CPS1: variants seen among roughly 807,000 people sequenced by gnomAD.
The protein encoded by CPS1 is carbamoyl-phosphate synthase [ammonia], mitochondrial.
Under a neutral mutation model 174.6 loss-of-function variants are expected in CPS1, and 109 were observed. That is an observed-to-expected ratio of 0.62 (90% CI 0.53 to 0.73). The LOEUF (loss-of-function observed/expected upper bound fraction) is 0.73. Ranked by LOEUF, CPS1 falls within the 30% of genes least tolerant of loss-of-function variation. The probability of loss-of-function intolerance (pLI) is 0.00; values close to 1 mark genes in which losing one functional copy is unlikely to be tolerated. For synonymous variants in CPS1, 637 were observed against 632.0 expected, an observed-to-expected ratio of 1.01 and a Z score of -0.12; for missense variants, 1,689 against 1,821.9, an observed-to-expected ratio of 0.93 and a Z score of 1.33.
intron 1 of CPS1, among the ~76,000 whole-genome samples, chr2:210,525,956 C>G (rs1440047470): frequency 6.6e-6 from 1 of 151,638 alleles, no homozygotes; most frequent in African/African-American, 2.4e-5. Context: ...TGCAAGCAGT[C>G]CCACATGACT....
chr2:210,516,612 G>A (rs184824095), intron 1 of CPS1, among the ~76,000 whole-genome samples: 17 of 152,006 alleles, frequency 1.1e-4, no homozygotes, highest in Admixed American at 6.6e-4. Flanking sequence ...CCTTTAGGAC[G>A]AAACTAAACT....
intron 33 of CPS1, among the ~76,000 whole-genome samples, chr2:210,665,506 T>G (rs967783849): frequency 7.7e-6 from 1 of 130,360 alleles, no homozygotes; most frequent in Non-Finnish European, 1.6e-5. Flanking sequence ...CCCCAGAGTG[T>G]GATATTCCCC....
chr2:210,503,646 T>C (rs1309451753), intron 1 of CPS1, among the ~76,000 whole-genome samples: 1 of 152,072 alleles, frequency 6.6e-6, no homozygotes, highest in East Asian at 1.9e-4. Context: ...TAGATAAAAA[T>C]TTTAGGAATC....
intron 21 of CPS1, among the ~76,000 whole-genome samples, chr2:210,624,172 T>C (rs1699625828): frequency 6.6e-6 from 1 of 152,122 alleles, no homozygotes; most frequent in Non-Finnish European, 1.5e-5. Flanking sequence ...TTAATTTGAT[T>C]TGCAGAAAAT....
chr2:210,559,586 T>C (rs1456752531), intron 1 of CPS1, among the ~76,000 whole-genome samples: 1 of 152,142 alleles, frequency 6.6e-6, no homozygotes, highest in Non-Finnish European at 1.5e-5. Context: ...AAATACTAAA[T>C]ACTAAAAAGT....
chr2:210,545,655 TGG>T (rs1696542215), intron 1 of CPS1, among the ~76,000 whole-genome samples: 1 of 152,098 alleles, frequency 6.6e-6, no homozygotes, highest in African/African-American at 2.4e-5. Flanking sequence ...AGAAAGCACT[TGG>T]TATTTTAAAA....
chr2:210,576,983 A>G (rs1697732192), intron 3 of CPS1, among the ~76,000 whole-genome samples: 1 of 152,170 alleles, frequency 6.6e-6, no homozygotes, highest in African/African-American at 2.4e-5. Context: ...TTCCAAATTC[A>G]ATACTATTTT....
chr2:210,607,322 A>G (rs977082646), intron 18 of CPS1, among the ~76,000 whole-genome samples: 28 of 151,958 alleles, frequency 1.8e-4, no homozygotes, highest in Non-Finnish European at 1.5e-5. Context: ...GACAGAAAAT[A>G]TAGCTCACTT....
intron 31 of CPS1, among the ~76,000 whole-genome samples, chr2:210,659,584 A>T (rs1038536481): frequency 4.6e-5 from 7 of 152,104 alleles, no homozygotes; most frequent in Non-Finnish European, 4.4e-5. Flanking sequence ...TTTGATGGGG[A>T]CAAACCACAT....
upstream of CPS1, among the ~76,000 whole-genome samples, chr2:210,554,169 A>G (rs1483121346): frequency 1.5e-4 from 20 of 133,238 alleles, no homozygotes; most frequent in Admixed American, 1.5e-3. Flanking sequence ...ACATATACAT[A>G]TGTATGTATA....
At chr2:210,519,882 C>T (rs898749376) in intron 1 of CPS1, 9 of 665,798 alleles carry the variant, frequency 1.4e-5, no homozygotes, top group African/African-American at 5.9e-5. Flanking sequence ...ATCAGAGATG[C>T]GTTCCAGCAT....
intron 1 of CPS1, among the ~76,000 whole-genome samples, chr2:210,545,738 A>G (rs1383957805): frequency 6.6e-6 from 1 of 152,032 alleles, no homozygotes; most frequent in Non-Finnish European, 1.5e-5. Context: ...GATATTTACA[A>G]TTTTACTCAA....
At chr2:210,558,631 G>A (rs1696998465) in intron 1 of CPS1, among the ~76,000 whole-genome samples, 3 of 151,936 alleles carry the variant, frequency 2.0e-5, no homozygotes. Flanking sequence ...GTAAGGATAG[G>A]TGCATCTTCA....
At position 210,579,766 on chromosome 2, in the gene CPS1, A is replaced by G. The variant is rs1456896754; in HGVS notation, c.524A>G (p.Asp175Gly). 2 of 1,611,836 alleles carry G rather than the reference A, an allele frequency of 1.2e-6. No homozygotes were observed. The highest frequency in any genetic ancestry group is 1.7e-6 in the Non-Finnish European group (2 of 1,178,960). ...DTRMLTKIIRDKGTMLGKIEF... is the reference protein window; with the variant it reads ...DTRMLTKIIRGKGTMLGKIEF... ...AGAATGCTGACTAAAATAATTCGGG[A>G]TAAGGTATAATCATCATCTTTAGCC... The change falls in exon 5 of 38, where the codon GAT becomes GGT. Residue 175 changes from aspartate (D) to glycine (G), a missense_variant. Transcript: ENST00000233072.
chr2:210,666,359 TG>T (rs1390643195), intron 33 of CPS1, among the ~76,000 whole-genome samples: 2 of 151,184 alleles, frequency 1.3e-5, no homozygotes, highest in Non-Finnish European at 3.0e-5. Context: ...TTTTGGCTTT[TG>T]TTGCCATTGC....
intron 21 of CPS1, among the ~76,000 whole-genome samples, chr2:210,625,342 A>T (rs1574609601): frequency 6.6e-6 from 1 of 152,126 alleles, no homozygotes; most frequent in Non-Finnish European, 1.5e-5. Flanking sequence ...ATATATAGAC[A>T]GGACACATTA....
intron 1 of CPS1, among the ~76,000 whole-genome samples, chr2:210,498,260 C>T (rs1243764799): frequency 6.6e-6 from 1 of 151,858 alleles, no homozygotes; most frequent in Non-Finnish European, 1.5e-5. Context: ...GTCTTTTGCC[C>T]ATTTTTTAAT....
At chr2:210,594,743 T>G (rs183410832) in intron 12 of CPS1, 137 bp downstream of exon 12, 1 of 683,246 alleles carries the variant, frequency 1.5e-6, no homozygotes, top group East Asian at 2.7e-5. Flanking sequence ...GACTGTCATT[T>G]TGTAACTAAT....
intron 18 of CPS1, 82 bp downstream of exon 18, chr2:210,607,023 C>T (rs977049821): frequency 2.4e-6 from 3 of 1,241,254 alleles, no homozygotes; most frequent in Non-Finnish European, 3.5e-6. Flanking sequence ...GAAGACTGTA[C>T]TGCATTTACA....
Sources: gnomAD v4.1 joint callset for allele counts (sites outside exome capture counted in the v4.1 genomes callset) on GRCh38, gnomAD v4.1.1 for gene constraint, MANE v1.5 for transcripts, NCBI Gene and HGNC (gene_info 2026-07-23, HGNC 2026-07-21) for gene names.